USP45: variants seen among roughly 807,000 people sequenced by gnomAD.
USP45 encodes the protein ubiquitin carboxyl-terminal hydrolase 45.
USP45 carries 89 observed loss-of-function variants against 95.8 expected under a neutral mutation model. The ratio of observed to expected loss-of-function variants is 0.93; its 90% CI spans 0.78 to 1.11. The LOEUF is 1.11. Among genes scored for constraint, USP45 ranks in the 50% least tolerant of loss-of-function variants. The pLI is 0.00. For synonymous variants in USP45, 281 were observed against 316.2 expected (o/e 0.89, Z 1.18); for missense variants, 898 against 942.5 (o/e 0.95, Z 0.62).
At chr6:99,474,167 TAA>T (rs1396299670) in intron 9 of USP45, among the ~76,000 whole-genome samples, 2 of 152,108 alleles carry the variant, frequency 1.3e-5, no homozygotes, top group African/African-American at 2.4e-5. Flanking sequence ...TCACTAGGAG[TAA>T]AGAGACACTG....
chr6:99,494,870 G>GA, intron 5 of USP45, among the ~76,000 whole-genome samples: 2 of 152,058 alleles, frequency 1.3e-5, no homozygotes, highest in Non-Finnish European at 2.9e-5. Flanking sequence ...CTCCAGACTA[G>GA]GTGACAGAGT....
At chr6:99,447,599 T>C (rs1197885378) in intron 13 of USP45, among the ~76,000 whole-genome samples, 2 of 152,238 alleles carry the variant, frequency 1.3e-5, no homozygotes, top group Non-Finnish European at 2.9e-5. Flanking sequence ...TGCCTGCCTC[T>C]GTAGACTCCA....
rs1172300980 is a variant in USP45, at chr6:99,501,979, CT to C, written c.478+1785del. ...ACTGTGGGCCCCTAGACAGTTTATGCTGAAGAGATGAATCAGGATGGGGCCT... is the reference window on the plus strand; with the variant it reads ...ACTGTGGGCCCCTAGACAGTTTATGCGAAGAGATGAATCAGGATGGGGCCT... On this transcript the variant is annotated intron_variant, in intron 5 of 17. Coordinates refer to ENST00000500704, the MANE Select transcript of USP45 (RefSeq NM_001346022.3). 4 of 1,302,978 alleles carry C rather than the reference CT, an allele frequency of 3.1e-6. No individual in the cohort carries two copies. The African/African-American group carries it at 6.1e-5, about 20-fold the overall frequency. 80.7% of individuals were successfully genotyped at this position (1,302,978 alleles called of 1,614,324 possible).
intron 11 of USP45, among the ~76,000 whole-genome samples, chr6:99,465,794 C>G (rs1166339548): frequency 6.6e-6 from 1 of 152,154 alleles, no homozygotes; most frequent in East Asian, 1.9e-4. Context: ...ACCTATCATA[C>G]TCTAAGTCAT....
intron 11 of USP45, among the ~76,000 whole-genome samples, chr6:99,465,580 A>G (rs1216948472): frequency 6.6e-6 from 1 of 152,174 alleles, no homozygotes; most frequent in Non-Finnish European, 1.5e-5. Context: ...ATCTTGTGAG[A>G]GAGAAAACAA....
At chr6:99,456,493 T>C (rs567805374) in intron 13 of USP45, among the ~76,000 whole-genome samples, 259 of 152,290 alleles carry the variant, frequency 1.7e-3, no homozygotes, top group African/African-American at 6.1e-3. Context: ...AGAACGTGGA[T>C]TGTGAAGATT....
intron 13 of USP45, among the ~76,000 whole-genome samples, chr6:99,453,420 A>G (rs1784350453): frequency 1.3e-5 from 2 of 152,110 alleles, no homozygotes; most frequent in African/African-American, 4.8e-5. Context: ...TACAATGGCT[A>G]CAAAAGAAAA....
chr6:99,462,686 A>G, intron 13 of USP45: 5 of 985,774 alleles, frequency 5.1e-6, no homozygotes, highest in Non-Finnish European at 6.0e-6. Flanking sequence ...CTAACAGAGT[A>G]AGTTAAATTC....
intron 1 of USP45, among the ~76,000 whole-genome samples, chr6:99,511,422 GGA>G (rs1235237946): frequency 6.6e-6 from 1 of 151,908 alleles, no homozygotes; most frequent in African/African-American, 2.4e-5. Context: ...CAAAGTGCTG[GGA>G]TTACAGGCGT....
intron 13 of USP45, chr6:99,461,451 T>C: frequency 2.0e-6 from 2 of 985,452 alleles, no homozygotes; most frequent in Non-Finnish European, 2.4e-6. Flanking sequence ...CTCCTGTTAC[T>C]ATTTTTTCTG....
rs753380228 is a variant in USP45 at position 99,446,138 on chromosome 6, G to A, written c.1634C>T (p.Thr545Ile). Residue 545 changes from threonine to isoleucine, a missense_variant, in exon 14 of 18, where the codon ACC becomes ATC. Thr to Ile is a moderately conservative substitution (Grantham distance 89, BLOSUM62 -1). Coordinates refer to ENST00000500704, the MANE Select transcript of USP45 (RefSeq NM_001346022.3). Reference sequence around the variant, plus strand: ...CTTATCACCACTGTCAGTCTCCTTGGTGTACAGCAGTTTACCTGCTGACAG... The same window carrying A: ...CTTATCACCACTGTCAGTCTCCTTGATGTACAGCAGTTTACCTGCTGACAG... ...YPLSAGKLLY[T>I]KETDSGDKEM... 1.2e-6 allele frequency: 2 copies of A among 1,614,074 alleles called. No individual in the cohort carries two copies. Among genetic ancestry groups the A allele is most frequent in the Non-Finnish European group, 1.7e-6 (2 of 1,180,026 alleles).
chr6:99,474,144 C>T (rs1790211661), intron 9 of USP45, among the ~76,000 whole-genome samples: 1 of 152,176 alleles, frequency 6.6e-6, no homozygotes, highest in South Asian at 2.1e-4. Flanking sequence ...ATTTTCTCTT[C>T]ACTGGAAACT....
chr6:99,483,249 A>T (rs181329505), intron 7 of USP45, among the ~76,000 whole-genome samples: 19 of 152,278 alleles, frequency 1.2e-4, no homozygotes, highest in Admixed American at 9.1e-4. Flanking sequence ...ATAATGTATG[A>T]TTATTTGTGT....
rs561323916 is a variant in USP45 at position 99,437,175 on chromosome 6, C to T, written c.2314+71G>A. The T allele has an allele frequency of 4.5e-3, 6,590 of 1,470,492 alleles. 21 individuals carry two copies. Among genetic ancestry groups the T allele is most frequent in the Non-Finnish European group, 5.2e-3 (5,685 of 1,089,162 alleles). 91.1% of individuals were successfully genotyped at this position (1,470,492 alleles called of 1,614,324 possible). On this transcript the variant is annotated intron_variant, in intron 17 of 17. Coordinates refer to ENST00000500704, the MANE Select transcript of USP45 (RefSeq NM_001346022.3). ...ACTAGAGGCATCTATGAAATAATAA[C>T]TTAGCTCTCCCAGAAAAGGAAGCAC...
At chr6:99,495,804 C>T (rs1315128484) in intron 5 of USP45, among the ~76,000 whole-genome samples, 1 of 152,098 alleles carries the variant, frequency 6.6e-6, no homozygotes, top group East Asian at 1.9e-4. Context: ...TTGTAGCAGT[C>T]CTTCTCAAAT....
chr6:99,444,189 G>C (rs558769286), intron 14 of USP45, among the ~76,000 whole-genome samples: 2 of 151,922 alleles, frequency 1.3e-5, no homozygotes, highest in South Asian at 2.1e-4. Flanking sequence ...TTTTTAAAAC[G>C]TTTTTTGTAG....
intron 4 of USP45, among the ~76,000 whole-genome samples, chr6:99,505,258 A>G (rs1798249716): frequency 6.6e-6 from 1 of 152,154 alleles, no homozygotes; most frequent in South Asian, 2.1e-4. Flanking sequence ...TCATTAATAC[A>G]TCGTATTAAT....
chr6:99,485,299 C>T (rs1044594168), intron 7 of USP45, among the ~76,000 whole-genome samples: 4 of 151,700 alleles, frequency 2.6e-5, no homozygotes, highest in African/African-American at 7.3e-5. Context: ...GAGCCGAGAT[C>T]GTGCCACTGC....
At chr6:99,436,696 C>T (rs1279932830) in intron 17 of USP45, among the ~76,000 whole-genome samples, 1 of 152,194 alleles carries the variant, frequency 6.6e-6, no homozygotes, top group Non-Finnish European at 1.5e-5. Context: ...CACTATAATA[C>T]ACAATGACTC....
Sources: gnomAD v4.1 joint callset for allele counts (sites outside exome capture counted in the v4.1 genomes callset) on GRCh38, gnomAD v4.1.1 for gene constraint, MANE v1.5 for transcripts, NCBI Gene and HGNC (gene_info 2026-07-23, HGNC 2026-07-21) for gene names.